Variants in RAPGEF4 observed in about 807,000 individuals in gnomAD.
The protein encoded by RAPGEF4 is RAP guanine-nucleotide-exchange factor (GEF) 4.
In RAPGEF4, 66 loss-of-function variants were observed where a neutral mutation model predicts 147.9. The observed-to-expected ratio is 0.45, with a 90% CI of 0.37 to 0.55. RAPGEF4 has a LOEUF of 0.55. Ranked by LOEUF, RAPGEF4 falls within the 20% of genes least tolerant of loss-of-function variation. The pLI, the probability that RAPGEF4 is intolerant of heterozygous loss-of-function variation, is 0.00. For synonymous variants in RAPGEF4, 419 were observed against 442.7 expected (o/e 0.95, Z 0.67); for missense variants, 1,071 against 1,257.3 (o/e 0.85, Z 2.24).
intron 3 of RAPGEF4, among the ~76,000 whole-genome samples, chr2:172,805,633 C>T (rs1219989363): frequency 2.0e-5 from 3 of 152,162 alleles, no homozygotes; most frequent in South Asian, 2.1e-4. Context: ...GACATGTTCA[C>T]GTAGATTTCC....
chr2:172,951,388 C>T (rs1688196081), intron 6 of RAPGEF4, among the ~76,000 whole-genome samples: 1 of 152,214 alleles, frequency 6.6e-6, no homozygotes, highest in Admixed American at 6.5e-5. Context: ...TTCAATAAAT[C>T]CTTGAGTAGT....
rs375213088 is a variant in RAPGEF4 at position 172,915,974 on chromosome 2, T to TA, written c.445-1827dup. Among the ~76,000 whole-genome samples, 223 of 152,302 alleles carry TA rather than the reference T, an allele frequency of 1.5e-3. 1 individual carries two copies. Among genetic ancestry groups the TA allele is most frequent in the African/African-American group, 4.7e-3 (196 of 41,566 alleles). On this transcript the variant is annotated intron_variant, in intron 4 of 30. Coordinates refer to ENST00000397081, the MANE Select transcript of RAPGEF4 (RefSeq NM_007023.4). ...TTTCACAAGTGCACAGGACCTTGTT[T>TA]ACTTGTTCTGTACTGTAAGCCCATC... is the stretch of plus-strand genomic sequence containing the variant.
At chr2:172,934,110 T>C (rs1265064598) in intron 6 of RAPGEF4, among the ~76,000 whole-genome samples, 1 of 151,902 alleles carries the variant, frequency 6.6e-6, no homozygotes, top group Non-Finnish European at 1.5e-5. Flanking sequence ...GAGGTAATTT[T>C]GTAATAGTAG....
chr2:172,989,245 A>C (rs1156514434), intron 14 of RAPGEF4, among the ~76,000 whole-genome samples: 1 of 152,104 alleles, frequency 6.6e-6, no homozygotes, highest in African/African-American at 2.4e-5. Flanking sequence ...TCTCTTTCCT[A>C]GACCTTCCTA....
chr2:172,812,679 G>A lies in RAPGEF4; in HGVS notation c.298-1600G>A, dbSNP rs575627655. 2.6e-5 allele frequency among the ~76,000 whole-genome samples: 4 copies of A among 152,306 alleles called. No individual in the cohort carries two copies. In the East Asian group the frequency reaches 7.7e-4, roughly 29 times the overall value. ...ATACTTCGCAAATAACCATATATAT[G>A]TAAAATATGTGGATGATGTCAGTGG... On this transcript the variant is annotated intron_variant, in intron 3 of 30. Coordinates refer to ENST00000397081, the MANE Select transcript of RAPGEF4 (RefSeq NM_007023.4).
At chr2:172,959,700 A>G (rs533971394) in intron 6 of RAPGEF4, among the ~76,000 whole-genome samples, 1 of 152,348 alleles carries the variant, frequency 6.6e-6, no homozygotes, top group South Asian at 2.1e-4. Context: ...TTTCAGAGCA[A>G]GAAAACGAAG....
intron 4 of RAPGEF4, among the ~76,000 whole-genome samples, chr2:172,891,566 CAA>C (rs950192997): frequency 6.6e-6 from 1 of 152,122 alleles, no homozygotes; most frequent in Non-Finnish European, 1.5e-5. Context: ...TTCTAAGAAA[CAA>C]AGAGTCAAAT....
At chr2:172,916,431 A>G (rs997151209) in intron 4 of RAPGEF4, among the ~76,000 whole-genome samples, 2 of 152,158 alleles carry the variant, frequency 1.3e-5, no homozygotes, top group Admixed American at 1.3e-4. Flanking sequence ...GTCCAGCATA[A>G]TATGAAGCCC....
intron 4 of RAPGEF4, among the ~76,000 whole-genome samples, chr2:172,848,182 A>G (rs1467339457): frequency 1.3e-5 from 2 of 152,128 alleles, no homozygotes; most frequent in East Asian, 3.8e-4. Flanking sequence ...AATATGTTCT[A>G]TACATTCTAA....
chr2:172,997,645 G>GT lies in RAPGEF4; in HGVS notation c.1579+1101dup, dbSNP rs886124298. Among the ~76,000 whole-genome samples the GT allele has an allele frequency of 7.4e-5, 11 of 148,660 alleles. No individual in the cohort carries two copies. In the East Asian group the frequency reaches 7.8e-4, roughly 11 times the overall value. On this transcript the variant is annotated intron_variant, in intron 16 of 30. Coordinates refer to ENST00000397081, the MANE Select transcript of RAPGEF4 (RefSeq NM_007023.4). ...CTTTGCAACAGCCCACACGCAACGT[G>GT]TTTTTTTTTTAATCCTATGCTACTG...
chr2:173,012,554 A>G (rs1350091151), intron 17 of RAPGEF4, among the ~76,000 whole-genome samples: 1 of 152,216 alleles, frequency 6.6e-6, no homozygotes, highest in Non-Finnish European at 1.5e-5. Context: ...TTGTATTTTC[A>G]TTATGTTAGT....
chr2:172,821,334 C>T (rs540357740), intron 4 of RAPGEF4, among the ~76,000 whole-genome samples: 37 of 152,312 alleles, frequency 2.4e-4, no homozygotes, highest in African/African-American at 8.7e-4. Context: ...GACCGAGACC[C>T]ATACCCTCAT....
At chr2:172,987,563 T>A (rs1692398849) in intron 12 of RAPGEF4, among the ~76,000 whole-genome samples, 1 of 152,204 alleles carries the variant, frequency 6.6e-6, no homozygotes, top group South Asian at 2.1e-4. Context: ...ATGTACAGAC[T>A]TTTTTCTTGT....
chr2:172,967,150 C>T lies in RAPGEF4; in HGVS notation c.821-111C>T, dbSNP rs938902909. ...AGAGTGAGAAGGGCGAGGAGGCTCCCGGCTTTGCTGCCACTTGGCCCTCCT... is the reference window on the plus strand; with the variant it reads ...AGAGTGAGAAGGGCGAGGAGGCTCCTGGCTTTGCTGCCACTTGGCCCTCCT... On this transcript the variant is annotated intron_variant, in intron 9 of 30. Coordinates refer to ENST00000397081, the MANE Select transcript of RAPGEF4 (RefSeq NM_007023.4). The T allele has an allele frequency of 4.0e-5, 43 of 1,088,296 alleles. 1 individual carries two copies. The South Asian group carries it at 5.1e-4, about 13-fold the overall frequency. The allele number at this position is 1,088,296 out of a possible 1,614,324, so 67.4% of individuals were successfully genotyped here. A position where few individuals can be genotyped will look rare whatever the true frequency, so the allele number is the denominator to read the frequency against.
At chr2:172,973,630 C>T (rs1174124212) in intron 10 of RAPGEF4, among the ~76,000 whole-genome samples, 1 of 152,116 alleles carries the variant, frequency 6.6e-6, no homozygotes, top group Non-Finnish European at 1.5e-5. Flanking sequence ...GGGGCATCTG[C>T]CATGCCCTCT....
At chr2:172,753,414 T>C (rs1265840362) in intron 1 of RAPGEF4, among the ~76,000 whole-genome samples, 2 of 147,876 alleles carry the variant, frequency 1.4e-5, no homozygotes, top group African/African-American at 2.5e-5. Flanking sequence ...TTTTTTTTAA[T>C]TTACCTACAA....
intron 16 of RAPGEF4, 37 bp from the exon 17 acceptor site, chr2:173,001,229 G>A: frequency 1.2e-6 from 2 of 1,608,260 alleles, no homozygotes; most frequent in Non-Finnish European, 1.7e-6. Flanking sequence ...ATTTCCACAA[G>A]AACCTAATTT....
At position 172,896,796 on chromosome 2, in the gene RAPGEF4, A is replaced by G. The variant is rs75377954; in HGVS notation, c.445-21006A>G. Among the ~76,000 whole-genome samples the G allele has an allele frequency of 4.3e-3, 656 of 152,324 alleles. 4 individuals are homozygous for G. The highest frequency in any genetic ancestry group is 0.015 in the African/African-American group (637 of 41,570). ...TTTATTGCCTGGAAATTCTATATAT[A>G]TGCAAAGTTGTTCATCAGTTCACTG... On this transcript the variant is annotated intron_variant, in intron 4 of 30. Transcript: ENST00000397081.
intron 4 of RAPGEF4, among the ~76,000 whole-genome samples, chr2:172,832,696 A>G (rs1690492949): frequency 6.6e-6 from 1 of 152,224 alleles, no homozygotes; most frequent in Non-Finnish European, 1.5e-5. Flanking sequence ...CACAAAACTG[A>G]TTCAACTGTT....
Sources: gnomAD v4.1 joint callset for allele counts (sites outside exome capture counted in the v4.1 genomes callset) on GRCh38, gnomAD v4.1.1 for gene constraint, MANE v1.5 for transcripts, NCBI Gene and HGNC (gene_info 2026-07-23, HGNC 2026-07-21) for gene names.